The following ARMC2 variants were observed in gnomAD, a reference collection of about 807,000 sequenced individuals.
The protein encoded by ARMC2 is armadillo repeat-containing protein 2.
ARMC2 carries 67 observed loss-of-function variants against 90.3 expected under a neutral mutation model. That is an observed-to-expected ratio of 0.74 (90% CI 0.61 to 0.91). The LOEUF (loss-of-function observed/expected upper bound fraction) is 0.91, where lower values mean the gene tolerates loss of function less well. Among genes scored for constraint, ARMC2 ranks in the 40% least tolerant of loss-of-function variants. The pLI, the probability that ARMC2 is intolerant of heterozygous loss-of-function variation, is 0.00. For synonymous variants in ARMC2, 393 were observed against 393.0 expected (o/e 1.00, Z 0.00); for missense variants, 920 against 1,030.9 (o/e 0.89, Z 1.47).
the ARMC2 span, among the ~76,000 whole-genome samples, chr6:108,980,576 T>C: frequency 6.6e-6 from 1 of 152,054 alleles, no homozygotes; most frequent in South Asian, 2.1e-4. Flanking sequence ...GCAGGGACGT[T>C]TAAGTTTGCT....
the ARMC2 span, chr6:108,986,458 CTTT>C: frequency 6.6e-6 from 1 of 152,590 alleles, no homozygotes; most frequent in Non-Finnish European, 1.5e-5. Context: ...AAAAATTCTT[CTTT>C]ATTTAAAAAT....
intron 10 of ARMC2, 79 bp downstream of exon 10, chr6:108,912,637 T>C: frequency 7.6e-7 from 1 of 1,320,726 alleles, no homozygotes; most frequent in Non-Finnish European, 1.1e-6. Flanking sequence ...AAGAATGGCA[T>C]GCAAGAGGCC....
the ARMC2 span, chr6:108,998,758 TAGG>T: frequency 6.2e-5 from 99 of 1,596,178 alleles, no homozygotes; most frequent in Non-Finnish European, 7.9e-5. Context: ...AAAAGTCCCT[TAGG>T]GGGAAAAAAA....
At chr6:109,020,755 A>G in the ARMC2 span, among the ~76,000 whole-genome samples, 3 of 152,232 alleles carry the variant, frequency 2.0e-5, no homozygotes, top group East Asian at 3.9e-4. Flanking sequence ...CCTGCAATAT[A>G]GACACAAAAA....
At position 108,899,685 on chromosome 6, in the gene ARMC2, C is replaced by T. The variant is rs1771930037; in HGVS notation, c.749-9C>T. On this transcript the variant is annotated splice_polypyrimidine_tract_variant and intron_variant, in intron 6 of 17. Coordinates refer to ENST00000392644, the MANE Select transcript of ARMC2 (RefSeq NM_032131.6). ...TAGCTTTTTCTCCTGCTCTGGATTT[C>T]TTTTGCAGTCCCAAAAGCTGACCTG... 6.2e-7 allele frequency: 1 copy of T among 1,610,186 alleles called. No homozygotes were observed. Among genetic ancestry groups the T allele is most frequent in the Non-Finnish European group, 8.5e-7 (1 of 1,177,338 alleles).
chr6:108,989,028 A>G, the ARMC2 span, among the ~76,000 whole-genome samples: 11 of 152,174 alleles, frequency 7.2e-5, no homozygotes, highest in African/African-American at 2.7e-4. Context: ...ATTGAGACGG[A>G]GTCTTGCCCT....
In ARMC2 at chr6:108,953,246, C is replaced by T; in HGVS notation, c.1810C>T (p.Leu604Phe). 1 of 1,613,652 alleles carries T rather than the reference C, an allele frequency of 6.2e-7. No homozygotes were observed. Among genetic ancestry groups the T allele is most frequent in the Non-Finnish European group, 8.5e-7 (1 of 1,179,894 alleles). The change falls in exon 13 of 18, where the codon CTC becomes TTC. Residue 604 changes from leucine (L) to phenylalanine (F), a missense_variant. Physicochemically the swap from Leu to Phe is conservative, Grantham distance 22. Transcript: ENST00000392644. The stretch of plus-strand genomic sequence containing the variant: ...GCCGCCGTCAGAGGCAGAGGACGTG[C>T]TCATCAAGCTGACTCGTGTGCTGGC... ...QRPPSEAEDV[L>F]IKLTRVLANI...
chr6:108,861,636 T>C (rs1000071607), intron 3 of ARMC2, among the ~76,000 whole-genome samples: 7 of 152,206 alleles, frequency 4.6e-5, no homozygotes, highest in Non-Finnish European at 8.8e-5. Context: ...CGAACCAATA[T>C]TGCAAGAAAT....
Position 108,943,786 on chromosome 6 carries a change from A to T in ARMC2, c.1596+6787A>T, listed in dbSNP as rs529864956. Among the ~76,000 whole-genome samples the T allele has an allele frequency of 3.1e-4, 47 of 152,312 alleles. No homozygotes were observed. The South Asian group carries it at 6.8e-3, about 22-fold the overall frequency. On this transcript the variant is annotated intron_variant, in intron 12 of 17. Coordinates refer to ENST00000392644, the MANE Select transcript of ARMC2 (RefSeq NM_032131.6). Reference sequence around the variant, plus strand: ...GAGAAGGAGGTTGCAGTGAGCTGAGATCGAGCCACTGCACTCCAGCCTGGT... The same window carrying T: ...GAGAAGGAGGTTGCAGTGAGCTGAGTTCGAGCCACTGCACTCCAGCCTGGT...
At chr6:108,994,096 C>T in the ARMC2 span, among the ~76,000 whole-genome samples, 593 of 146,418 alleles carry the variant, frequency 4.1e-3, 3 homozygotes, top group Middle Eastern at 0.028. Flanking sequence ...GCTACAATCA[C>T]GCCACTGCAC....
chr6:108,984,362 CG>C, the ARMC2 span, among the ~76,000 whole-genome samples: 1 of 152,100 alleles, frequency 6.6e-6, no homozygotes. Flanking sequence ...CTGGGAAGTC[CG>C]ATATCAAGGA....
intron 5 of ARMC2, among the ~76,000 whole-genome samples, chr6:108,888,405 C>T (rs1046073598): frequency 3.3e-5 from 5 of 152,148 alleles, no homozygotes; most frequent in Admixed American, 6.6e-5. Context: ...CGAGGTCACA[C>T]GGCTGTAAGT....
At chr6:109,006,606 TTTCA>T in the ARMC2 span, among the ~76,000 whole-genome samples, 3 of 152,144 alleles carry the variant, frequency 2.0e-5, no homozygotes, top group African/African-American at 7.2e-5. Flanking sequence ...AGTTGGTATC[TTTCA>T]TTATTATTCT....
chr6:108,953,212 G>C lies in ARMC2; in HGVS notation c.1776G>C (p.Arg592Ser), dbSNP rs771573287. 6 of 1,614,022 alleles carry C rather than the reference G, an allele frequency of 3.7e-6. 1 individual carries two copies. In the South Asian group the frequency reaches 5.5e-5, roughly 15 times the overall value. The part of the protein sequence containing the change: ...KPVGQRGEQH[R>S]AQRPPSEAED... ...TGGGCCAACGAGGCGAGCAGCACAG[G>C]GCGCAGAGGCCGCCGTCAGAGGCAG... is the stretch of plus-strand genomic sequence containing the variant. The change falls in exon 13 of 18, where the codon AGG becomes AGC. Residue 592 changes from arginine to serine, a missense_variant. Physicochemically the swap from Arg to Ser is moderately radical, Grantham distance 110. Transcript: ENST00000392644.
At chr6:108,964,029 T>C in intron 15 of ARMC2, 151 bp from the exon 16 acceptor site, 1 of 820,564 alleles carries the variant, frequency 1.2e-6, no homozygotes, top group Non-Finnish European at 1.8e-6. Context: ...TGCTGTGTGA[T>C]GGATAAAGCC....
rs148246343 is a variant in ARMC2, at chr6:108,913,850, A to G, written c.1350+1292A>G. On this transcript the variant is annotated intron_variant, in intron 10 of 17. Transcript: ENST00000392644. Reference sequence around the variant, plus strand: ...ACTGATGTGTTCAGCACCTTTTAGTACACACACAGGATTCAACAAATGGAA... The same window carrying G: ...ACTGATGTGTTCAGCACCTTTTAGTGCACACACAGGATTCAACAAATGGAA... Among the ~76,000 whole-genome samples, 1,156 of 152,278 alleles carry G rather than the reference A, an allele frequency of 7.6e-3. 10 individuals carry two copies. The highest frequency in any genetic ancestry group is 0.017 in the Middle Eastern group (5 of 294).
the ARMC2 span, among the ~76,000 whole-genome samples, chr6:108,985,114 T>C: frequency 3.9e-5 from 6 of 152,332 alleles, no homozygotes; most frequent in South Asian, 1.0e-3. Flanking sequence ...TCATGTATGA[T>C]ATTCACATAT....
rs1015654931 is a variant in ARMC2, at chr6:108,869,053, C to T, written c.463+58C>T. On this transcript the variant is annotated intron_variant, in intron 4 of 17. Coordinates refer to ENST00000392644, the MANE Select transcript of ARMC2 (RefSeq NM_032131.6). ...GACAGGCATGCTTCTTGAATTTGCA[C>T]ACAAAAGCTAATTTTATATGATTTT... The T allele has an allele frequency of 2.0e-6, 3 of 1,490,490 alleles. No individual in the cohort carries two copies. The African/African-American group carries it at 4.3e-5, about 21-fold the overall frequency. The allele number at this position is 1,490,490 out of a possible 1,614,324, so 92.3% of individuals were successfully genotyped here.
chr6:108,919,547 C>A (rs1264734632), intron 10 of ARMC2, among the ~76,000 whole-genome samples: 2 of 151,950 alleles, frequency 1.3e-5, no homozygotes, highest in African/African-American at 2.4e-5. Context: ...TAATTTAAAC[C>A]AAATTTAAAG....
Sources: allele counts gnomAD v4.1 joint callset (sites outside exome capture counted in the v4.1 genomes callset), GRCh38; gene constraint gnomAD v4.1.1; transcripts MANE v1.5; gene names NCBI Gene and HGNC (gene_info 2026-07-23, HGNC 2026-07-21).